The following FAM216A variants were observed in gnomAD, a reference collection of about 807,000 sequenced individuals.
FAM216A encodes the protein protein FAM216A.
FAM216A carries 26 observed loss-of-function variants against 37.6 expected under a neutral mutation model. That is an observed-to-expected ratio of 0.69 (90% CI 0.51 to 0.96). The LOEUF (loss-of-function observed/expected upper bound fraction) is 0.96. Ranked by LOEUF, FAM216A falls within the 40% of genes least tolerant of loss-of-function variation. FAM216A has a pLI of 0.00. For missense variants in FAM216A, 326 were observed against 339.3 expected (o/e 0.96, Z 0.31); for synonymous variants, 110 against 121.7 (o/e 0.90, Z 0.64).
intron 2 of FAM216A, among the ~76,000 whole-genome samples, chr12:110,474,518 C>A (rs1181190647): frequency 6.6e-6 from 1 of 151,166 alleles, no homozygotes; most frequent in African/African-American, 2.4e-5. Context: ...GGTGAAACCC[C>A]GTCTCTGCTA....
chr12:110,480,535 C>CA (rs985853180), intron 2 of FAM216A, among the ~76,000 whole-genome samples: 35 of 151,770 alleles, frequency 2.3e-4, no homozygotes, highest in Middle Eastern at 3.4e-3. Context: ...AGGCTGGTCT[C>CA]AAACTCCTGG....
chr12:110,469,027 GGGGGCCCCGGGGTAAGGGTGGCAGCAT>G lies in FAM216A; in HGVS notation c.143+18_143+44del, dbSNP rs1438940705. On this transcript the variant is annotated intron_variant, in intron 1 of 6. Transcript: ENST00000377673. ...GAGGGTGGCGGCGGCGGGTGAGGTT[GGGGGCCCCGGGGTAAGGGTGGCAGCAT>G]GGGGCCCCCGGGTCGTGAGGCCCCC... 1 of 1,457,690 alleles carries G rather than the reference GGGGGCCCCGGGGTAAGGGTGGCAGCAT, an allele frequency of 6.9e-7. No homozygotes were observed. Among genetic ancestry groups the G allele is most frequent in the Non-Finnish European group, 9.0e-7 (1 of 1,106,878 alleles). 90.3% of individuals were successfully genotyped at this position (1,457,690 alleles called of 1,614,324 possible).
intron 2 of FAM216A, among the ~76,000 whole-genome samples, chr12:110,478,417 G>A (rs1263306038): frequency 6.6e-6 from 1 of 152,070 alleles, no homozygotes; most frequent in Non-Finnish European, 1.5e-5. Context: ...TACATGGCAG[G>A]AGCAATTTTG....
intron 1 of FAM216A, 24 bp downstream of exon 1, chr12:110,469,042 A>C: frequency 1.4e-6 from 2 of 1,419,080 alleles, no homozygotes; most frequent in Non-Finnish European, 1.8e-6. Context: ...CCCCGGGGTA[A>C]GGGTGGCAGC....
intron 1 of FAM216A, among the ~76,000 whole-genome samples, chr12:110,471,049 CA>C (rs1486188475): frequency 1.3e-5 from 2 of 152,062 alleles, no homozygotes; most frequent in Admixed American, 1.3e-4. Flanking sequence ...AGTGATCTGC[CA>C]AAAATCCCAT....
intron 3 of FAM216A, among the ~76,000 whole-genome samples, chr12:110,485,588 G>A (rs2062772965): frequency 6.6e-6 from 1 of 152,026 alleles, no homozygotes; most frequent in Non-Finnish European, 1.5e-5. Context: ...TAATTAGCTT[G>A]CAAGTAGGAT....
rs1156665042 is a variant in FAM216A, at chr12:110,468,861, G to C, written c.-15G>C. ...AATACCAGCAGCCTGACGCACGCGT[G>C]CTGTCGGGGGAGGGATGCTGGGACA... On this transcript the variant is annotated 5_prime_UTR_variant, in exon 1 of 7. Coordinates refer to ENST00000377673, the MANE Select transcript of FAM216A (RefSeq NM_013300.3). 2 of 1,486,954 alleles carry C rather than the reference G, an allele frequency of 1.3e-6. No individual in the cohort carries two copies. Among genetic ancestry groups the C allele is most frequent in the Non-Finnish European group, 1.8e-6 (2 of 1,118,506 alleles). 92.1% of individuals were successfully genotyped at this position (1,486,954 alleles called of 1,614,324 possible). A position where few individuals can be genotyped will look rare whatever the true frequency, so the allele number is the denominator to read the frequency against.
At chr12:110,488,148 G>T (rs1372477023) in intron 6 of FAM216A, among the ~76,000 whole-genome samples, 2 of 152,042 alleles carry the variant, frequency 1.3e-5, no homozygotes, top group Non-Finnish European at 2.9e-5. Context: ...CACGGCTCAC[G>T]CCTGTAATCC....
chr12:110,468,462 G>A (rs1239034263), upstream of FAM216A: 6 of 1,536,910 alleles, frequency 3.9e-6, no homozygotes, highest in South Asian at 1.2e-5. Context: ...TGCTGTCTAA[G>A]CTTGGATACC....
Position 110,486,675 on chromosome 12 carries a change from T to A in FAM216A, c.578T>A (p.Leu193His). 1 of 1,614,152 alleles carries A rather than the reference T, an allele frequency of 6.2e-7. No individual in the cohort carries two copies. Among genetic ancestry groups the A allele is most frequent in the South Asian group, 1.1e-5 (1 of 91,082 alleles). ...DIAAASAPEM[L>H]IQHSLWRPVR... is the part of the protein sequence containing the mutation. ...GCAGCTGCATCTGCACCTGAAATGC[T>A]CATACAGCATTCCCTTTGGCGGCCA... Residue 193 changes from leucine to histidine, a missense_variant, in exon 5 of 7, where the codon CTC becomes CAC. By Grantham distance (99) the Leu-to-His change is moderately conservative (BLOSUM62 -3). Coordinates refer to ENST00000377673, the MANE Select transcript of FAM216A (RefSeq NM_013300.3).
At chr12:110,475,721 CAAAAAAA>C (rs112122723) in intron 2 of FAM216A, among the ~76,000 whole-genome samples, 1 of 96,996 alleles carries the variant, frequency 1.0e-5, no homozygotes, top group African/African-American at 3.4e-5. Context: ...TCACCCCTGG[CAAAAAAA>C]AAAAAAAAAA....
intron 2 of FAM216A, among the ~76,000 whole-genome samples, chr12:110,477,342 A>G (rs1205807408): frequency 6.6e-6 from 1 of 152,112 alleles, no homozygotes; most frequent in Non-Finnish European, 1.5e-5. Context: ...TTAATCATCC[A>G]TTCTTTTATT....
In FAM216A at chr12:110,486,558, G is replaced by A. The variant is rs146368046; in HGVS notation, c.461G>A (p.Arg154His). ...KPGVLTHHRS[R>H]LSSRYSQKQH... Reference sequence around the variant, plus strand: ...GGTGTCCTCACTCATCACAGAAGCCGCCTTAGCTCCCGTTACTCACAGAAA... The same window carrying A: ...GGTGTCCTCACTCATCACAGAAGCCACCTTAGCTCCCGTTACTCACAGAAA... The change falls in exon 5 of 7, where the codon CGC becomes CAC. Residue 154 changes from arginine (R) to histidine (H), a missense_variant. Physicochemically the swap from Arg to His is conservative, Grantham distance 29. Coordinates refer to ENST00000377673, the MANE Select transcript of FAM216A (RefSeq NM_013300.3). 515 of 1,613,740 alleles carry A rather than the reference G, an allele frequency of 3.2e-4. 2 individuals are homozygous for A. The highest frequency in any genetic ancestry group is 4.9e-4 in the Middle Eastern group (3 of 6,062).
intron 6 of FAM216A, among the ~76,000 whole-genome samples, 184 bp downstream of exon 6, chr12:110,488,127 G>C (rs1330929975): frequency 6.6e-6 from 1 of 151,930 alleles, no homozygotes; most frequent in Non-Finnish European, 1.5e-5. Flanking sequence ...AGAACATACT[G>C]GGCCAGGCGC....
At chr12:110,482,873 CGTTAG>C (rs1243338038) in intron 2 of FAM216A, among the ~76,000 whole-genome samples, 1 of 151,114 alleles carries the variant, frequency 6.6e-6, no homozygotes, top group Non-Finnish European at 1.5e-5. Context: ...ATCTCAAAAT[CGTTAG>C]GTTGAGTGAA....
rs543523663 is a variant in FAM216A at position 110,487,734 on chromosome 12, T to A, written c.621-127T>A. 1.5e-4 allele frequency: 99 copies of A among 677,578 alleles called. 1 individual carries two copies. In the South Asian group the frequency reaches 1.6e-3, roughly 11 times the overall value. 42.0% of individuals were successfully genotyped at this position (677,578 alleles called of 1,614,324 possible). A position where few individuals can be genotyped will look rare whatever the true frequency, so the allele number is the denominator to read the frequency against. ...TCAGGGTTAAGAAATTACAGGAGAA[T>A]CTGGGTGCTGAAAGGGTCTTTTTGG... is the stretch of plus-strand genomic sequence containing the variant. On this transcript the variant is annotated intron_variant, in intron 5 of 6. Coordinates refer to ENST00000377673, the MANE Select transcript of FAM216A (RefSeq NM_013300.3).
chr12:110,485,303 A>C lies in FAM216A; in HGVS notation c.306+104A>C, dbSNP rs995125630. The stretch of plus-strand genomic sequence containing the variant: ...AGAGGGTGAGATACTGCAGATGACA[A>C]GGCATATGCAGTATAATTGTCTAGG... On this transcript the variant is annotated intron_variant, in intron 3 of 6. Coordinates refer to ENST00000377673, the MANE Select transcript of FAM216A (RefSeq NM_013300.3). 15 of 907,932 alleles carry C rather than the reference A, an allele frequency of 1.7e-5. No homozygotes were observed. The African/African-American group carries it at 2.2e-4, about 13-fold the overall frequency. The allele number at this position is 907,932 out of a possible 1,614,324, so 56.2% of individuals were successfully genotyped here. A position where few individuals can be genotyped will look rare whatever the true frequency, so the allele number is the denominator to read the frequency against.
At chr12:110,479,597 G>A (rs1271652152) in intron 2 of FAM216A, among the ~76,000 whole-genome samples, 1 of 151,556 alleles carries the variant, frequency 6.6e-6, no homozygotes, top group Non-Finnish European at 1.5e-5. Flanking sequence ...CCAGCACTTT[G>A]GAAGGCTGAG....
In FAM216A at chr12:110,485,301, C is replaced by A. The variant is rs1207096848; in HGVS notation, c.306+102C>A. Reference sequence around the variant, plus strand: ...TTAGAGGGTGAGATACTGCAGATGACAAGGCATATGCAGTATAATTGTCTA... The same window carrying A: ...TTAGAGGGTGAGATACTGCAGATGAAAAGGCATATGCAGTATAATTGTCTA... On this transcript the variant is annotated intron_variant, in intron 3 of 6. Coordinates refer to ENST00000377673, the MANE Select transcript of FAM216A (RefSeq NM_013300.3). 3.1e-6 allele frequency: 3 copies of A among 972,018 alleles called. No individual in the cohort carries two copies. In the African/African-American group the frequency reaches 4.9e-5, roughly 16 times the overall value. The allele number at this position is 972,018 out of a possible 1,614,324, so 60.2% of individuals were successfully genotyped here.
Sources: allele counts gnomAD v4.1 joint callset (sites outside exome capture counted in the v4.1 genomes callset), GRCh38; gene constraint gnomAD v4.1.1; transcripts MANE v1.5; gene names NCBI Gene and HGNC (gene_info 2026-07-23, HGNC 2026-07-21).